Variants in CTNNA2 observed in about 807,000 individuals in gnomAD.
CTNNA2 encodes catenin alpha-2.
In CTNNA2, 42 loss-of-function variants were observed where a neutral mutation model predicts 101.0. The ratio of observed to expected loss-of-function variants is 0.42; its 90% CI spans 0.32 to 0.54. The LOEUF (loss-of-function observed/expected upper bound fraction) is 0.54. Ranked by LOEUF, CTNNA2 falls within the 20% of genes least tolerant of loss-of-function variation. CTNNA2 has a pLI of 0.14. For synonymous variants in CTNNA2, 450 were observed against 456.4 expected, an observed-to-expected ratio of 0.99 and a Z score of 0.18; for missense variants, 871 against 1,223.1, an observed-to-expected ratio of 0.71 and a Z score of 4.29.
intron 2 of CTNNA2, among the ~76,000 whole-genome samples, chr2:79,233,704 C>T (rs13014809): frequency 0.14 from 21,244 of 151,944 alleles, 1,696 homozygotes; most frequent in South Asian, 0.25. Flanking sequence ...GTCAAGAAGA[C>T]CTTGTTTTAT....
At chr2:79,674,420 GA>G (rs1683053219) in intron 2 of CTNNA2, among the ~76,000 whole-genome samples, 2 of 152,078 alleles carry the variant, frequency 1.3e-5, no homozygotes, top group South Asian at 4.1e-4. Context: ...TCCATTAACT[GA>G]CTTTGTTTTC....
intron 7 of CTNNA2, among the ~76,000 whole-genome samples, chr2:80,360,621 C>G (rs11695068): frequency 0.24 from 35,714 of 151,930 alleles, 4,348 homozygotes; most frequent in East Asian, 0.39. Flanking sequence ...TGATAGGGTA[C>G]TCTATGATTA....
intron 6 of CTNNA2, among the ~76,000 whole-genome samples, chr2:79,899,416 A>G (rs1684932316): frequency 6.6e-6 from 1 of 152,198 alleles, no homozygotes. Flanking sequence ...GATTAGGGAA[A>G]ATGAAGTTGG....
chr2:80,547,935 G>T (rs1231636471), intron 11 of CTNNA2, among the ~76,000 whole-genome samples: 1 of 151,838 alleles, frequency 6.6e-6, no homozygotes, highest in Non-Finnish European at 1.5e-5. Context: ...CAGGTGATCC[G>T]CCCGCCTTGG....
At position 79,987,132 on chromosome 2, in the gene CTNNA2, C is replaced by T. The variant is rs1174904422; in HGVS notation, c.1056+77335C>T. ...GTCTCTCTTCCAAAATTCAAGTCCA[C>T]AATTCTCCAGGAAGGTCAAGCCCAG... On this transcript the variant is annotated intron_variant, in intron 7 of 18. Coordinates refer to ENST00000402739, the MANE Select transcript of CTNNA2 (RefSeq NM_001282597.3). 6.3e-4 allele frequency among the ~76,000 whole-genome samples: 96 copies of T among 152,154 alleles called. 1 individual carries two copies. The highest frequency in any genetic ancestry group is 6.5e-5 in the Admixed American group (1 of 15,280).
intron 4 of CTNNA2, among the ~76,000 whole-genome samples, chr2:79,868,740 C>T (rs1002666665): frequency 2.0e-5 from 3 of 152,198 alleles, no homozygotes; most frequent in Non-Finnish European, 4.4e-5. Context: ...GCTGCCTTCT[C>T]GCTCCATTCC....
intron 18 of CTNNA2, among the ~76,000 whole-genome samples, chr2:80,622,490 G>C (rs1357947690): frequency 6.6e-6 from 1 of 151,720 alleles, no homozygotes; most frequent in Non-Finnish European, 1.5e-5. Context: ...AATTTCCTTG[G>C]GCACTAAGCA....
At chr2:80,451,235 C>G (rs954635075) in intron 9 of CTNNA2, among the ~76,000 whole-genome samples, 17 of 152,104 alleles carry the variant, frequency 1.1e-4, no homozygotes, top group African/African-American at 3.6e-4. Context: ...GAAGGACCCA[C>G]TGGGAGGTTA....
chr2:79,329,488 T>C (rs1676821840), intron 3 of CTNNA2, among the ~76,000 whole-genome samples: 1 of 152,080 alleles, frequency 6.6e-6, no homozygotes, highest in Non-Finnish European at 1.5e-5. Context: ...AGCCTGGACA[T>C]AGGCCACATT....
At position 79,827,423 on chromosome 2, in the gene CTNNA2, C is replaced by T. The variant is rs186185497; in HGVS notation, c.299-30590C>T. On this transcript the variant is annotated intron_variant, in intron 3 of 18. Transcript: ENST00000402739. ...GAGCAAAAAGTAGTTGGCTTGCAGA[C>T]GGAAAATCCACAAGGCGTCATCCAG... Among the ~76,000 whole-genome samples, 456 of 152,224 alleles carry T rather than the reference C, an allele frequency of 3.0e-3. 1 individual carries two copies. The highest frequency in any genetic ancestry group is 0.01 in the African/African-American group (419 of 41,532).
intron 7 of CTNNA2, among the ~76,000 whole-genome samples, chr2:80,178,863 T>G (rs188705279): frequency 6.6e-6 from 1 of 152,330 alleles, no homozygotes; most frequent in Non-Finnish European, 1.5e-5. Flanking sequence ...CCCTGAATTT[T>G]AGTTGGCTTT....
chr2:79,596,650 G>A (rs944570767), intron 1 of CTNNA2, among the ~76,000 whole-genome samples: 2 of 152,136 alleles, frequency 1.3e-5, no homozygotes, highest in Non-Finnish European at 2.9e-5. Context: ...AAAGAAAGGC[G>A]AGAGCTTTCT....
intron 7 of CTNNA2, among the ~76,000 whole-genome samples, chr2:80,219,984 C>A (rs1425634043): frequency 6.6e-5 from 10 of 151,510 alleles, no homozygotes; most frequent in Non-Finnish European, 1.2e-4. Context: ...AACAAACAAA[C>A]AAAAAAAACA....
intron 4 of CTNNA2, among the ~76,000 whole-genome samples, chr2:79,486,213 A>T (rs1347440934): frequency 6.7e-6 from 1 of 149,070 alleles, no homozygotes; most frequent in Non-Finnish European, 1.5e-5. Flanking sequence ...TCCTAATGCT[A>T]TCCCTCCCCC....
chr2:79,773,306 A>T (rs190044167), intron 3 of CTNNA2, among the ~76,000 whole-genome samples: 3 of 152,330 alleles, frequency 2.0e-5, no homozygotes, highest in African/African-American at 7.2e-5. Context: ...AAAGTTAAGG[A>T]TGCACTCCCA....
intron 7 of CTNNA2, among the ~76,000 whole-genome samples, chr2:80,050,424 T>A (rs987730140): frequency 6.6e-6 from 1 of 152,172 alleles, no homozygotes; most frequent in African/African-American, 2.4e-5. Flanking sequence ...ATGTGGCTAA[T>A]CATTTTCCCC....
rs193071582 is a variant in CTNNA2, at chr2:79,696,668, G to C, written c.102+45010G>C. On this transcript the variant is annotated intron_variant, in intron 2 of 18. Transcript: ENST00000402739. ...TTCCGCAGTACTCCCTGGGCCTAGAGGGAGGATGCTTCTTTGGTTTTAGCG... is the reference window on the plus strand; with the variant it reads ...TTCCGCAGTACTCCCTGGGCCTAGACGGAGGATGCTTCTTTGGTTTTAGCG... Among the ~76,000 whole-genome samples, 162 of 152,130 alleles carry C rather than the reference G, an allele frequency of 1.1e-3. 1 individual carries two copies. Among genetic ancestry groups the C allele is most frequent in the African/African-American group, 3.8e-3 (159 of 41,538 alleles).
rs190885296 is a variant in CTNNA2 at position 80,367,380 on chromosome 2, C to T, written c.1057-25831C>T. ...TAAGGCCTCTGAAGCTCCATTTATG[C>T]GTTGATAAAAAGAAGCTTTAGGGTT... On this transcript the variant is annotated intron_variant, in intron 7 of 18. Transcript: ENST00000402739. 2.3e-3 allele frequency among the ~76,000 whole-genome samples: 354 copies of T among 152,000 alleles called. 4 individuals carry two copies. Among genetic ancestry groups the T allele is most frequent in the Admixed American group, 6.9e-3 (105 of 15,250 alleles).
intron 7 of CTNNA2, chr2:80,313,576 A>G (rs756273058): frequency 1.2e-6 from 2 of 1,611,124 alleles, no homozygotes; most frequent in Non-Finnish European, 1.7e-6. Context: ...ATGGATGGAG[A>G]AGGCCACTCC....
Sources: gnomAD v4.1 joint callset for allele counts (sites outside exome capture counted in the v4.1 genomes callset) on GRCh38, gnomAD v4.1.1 for gene constraint, MANE v1.5 for transcripts, NCBI Gene and HGNC (gene_info 2026-07-23, HGNC 2026-07-21) for gene names.